The following SAMD4A variants were observed in gnomAD, a reference collection of about 807,000 sequenced individuals.
SAMD4A encodes sterile alpha motif domain containing 4A.
A neutral mutation model predicts 81.3 loss-of-function variants in SAMD4A; 33 were observed. The ratio of observed to expected loss-of-function variants is 0.41; its 90% CI spans 0.31 to 0.54. The LOEUF (loss-of-function observed/expected upper bound fraction) is 0.54. Among genes scored for constraint, SAMD4A ranks in the 20% least tolerant of loss-of-function variants. SAMD4A has a pLI of 0.37. For synonymous variants in SAMD4A, 389 were observed against 382.1 expected (o/e 1.02, Z -0.21); for missense variants, 854 against 951.1 (o/e 0.90, Z 1.34).
chr14:54,708,370 A>G (rs1566596849), intron 3 of SAMD4A, among the ~76,000 whole-genome samples: 2 of 152,230 alleles, frequency 1.3e-5, no homozygotes, highest in Non-Finnish European at 2.9e-5. Flanking sequence ...TCAGTGTCAT[A>G]TACGATGAGT....
chr14:54,701,157 C>T (rs2036707102), intron 2 of SAMD4A: 1 of 152,076 alleles, frequency 6.6e-6, no homozygotes, highest in Non-Finnish European at 1.5e-5. Flanking sequence ...TACCATCACA[C>T]ATGGCTATTT....
At chr14:54,781,370 G>C (rs1265321983) in intron 11 of SAMD4A, among the ~76,000 whole-genome samples, 1 of 152,252 alleles carries the variant, frequency 6.6e-6, no homozygotes, top group Non-Finnish European at 1.5e-5. Flanking sequence ...CACCTCATTA[G>C]GGATGGGTAG....
At chr14:54,760,521 T>C (rs777062166) in intron 7 of SAMD4A, 27 bp downstream of exon 7, 1 of 1,382,452 alleles carries the variant, frequency 7.2e-7, no homozygotes, top group Non-Finnish European at 9.3e-7. Context: ...CCATTTCTTT[T>C]TTCTTCTGGA....
chr14:54,741,847 G>T (rs1180560688), intron 4 of SAMD4A, among the ~76,000 whole-genome samples: 1 of 152,132 alleles, frequency 6.6e-6, no homozygotes, highest in Non-Finnish European at 1.5e-5. Flanking sequence ...AATGACAAGG[G>T]TGCTTGACCA....
chr14:54,682,348 T>C (rs145813635), intron 2 of SAMD4A, among the ~76,000 whole-genome samples: 47 of 152,298 alleles, frequency 3.1e-4, no homozygotes, highest in African/African-American at 1.1e-3. Context: ...GCCATGCCTG[T>C]GTAGGAGGCA....
chr14:54,622,265 T>C (rs2034635273), intron 2 of SAMD4A, among the ~76,000 whole-genome samples: 1 of 152,240 alleles, frequency 6.6e-6, no homozygotes, highest in Non-Finnish European at 1.5e-5. Context: ...TATAAATGTC[T>C]GTCTTCCATT....
chr14:54,733,828 G>T (rs542086579), intron 3 of SAMD4A, among the ~76,000 whole-genome samples: 27 of 140,880 alleles, frequency 1.9e-4, no homozygotes, highest in Admixed American at 3.5e-4. Context: ...CCTACTCATA[G>T]GAAAAAAAAA....
intron 3 of SAMD4A, among the ~76,000 whole-genome samples, chr14:54,714,021 C>G (rs2037056675): frequency 6.6e-6 from 1 of 152,164 alleles, no homozygotes; most frequent in South Asian, 2.1e-4. Flanking sequence ...ATTCATTGTA[C>G]TAGCTGTTTA....
At chr14:54,753,749 C>T (rs150530846) in intron 6 of SAMD4A, among the ~76,000 whole-genome samples, 60 of 152,238 alleles carry the variant, frequency 3.9e-4, no homozygotes, top group Non-Finnish European at 6.8e-4. Flanking sequence ...AGGCTTCTCA[C>T]GTGCACATCC....
intron 2 of SAMD4A, among the ~76,000 whole-genome samples, chr14:54,646,833 C>G (rs928645107): frequency 6.6e-6 from 1 of 152,124 alleles, no homozygotes; most frequent in African/African-American, 2.4e-5. Flanking sequence ...GTATCCTGCC[C>G]GTTTAACCAC....
intron 3 of SAMD4A, among the ~76,000 whole-genome samples, chr14:54,709,810 T>C (rs959551360): frequency 2.6e-5 from 4 of 152,140 alleles, no homozygotes; most frequent in Admixed American, 1.3e-4. Flanking sequence ...CATCTCTAGG[T>C]TTGCTTCCTG....
intron 2 of SAMD4A, among the ~76,000 whole-genome samples, chr14:54,629,772 C>T (rs1285777665): frequency 1.3e-5 from 2 of 152,098 alleles, no homozygotes; most frequent in Non-Finnish European, 2.9e-5. Context: ...TTACCACCAT[C>T]CATCTTTAGA....
chr14:54,566,330 G>T (rs1216358469), upstream of SAMD4A, among the ~76,000 whole-genome samples: 1 of 151,686 alleles, frequency 6.6e-6, no homozygotes, highest in Non-Finnish European at 1.5e-5. Flanking sequence ...CCCTCCCTAC[G>T]GCCCTCGGCG....
intron 11 of SAMD4A, among the ~76,000 whole-genome samples, chr14:54,780,733 C>G (rs912939261): frequency 1.3e-5 from 2 of 152,226 alleles, no homozygotes; most frequent in African/African-American, 2.4e-5. Flanking sequence ...TTGTACCCAT[C>G]ACTTTTTGTG....
chr14:54,604,660 A>G (rs1397098234), intron 2 of SAMD4A, among the ~76,000 whole-genome samples: 1 of 152,236 alleles, frequency 6.6e-6, no homozygotes, highest in African/African-American at 2.4e-5. Context: ...CCTAAATGAA[A>G]AAAGGGCTCC....
chr14:54,599,846 A>G (rs946283650), intron 2 of SAMD4A, among the ~76,000 whole-genome samples: 27 of 152,074 alleles, frequency 1.8e-4, no homozygotes, highest in African/African-American at 6.3e-4. Flanking sequence ...AGGTCAATCA[A>G]TTGGGTAGAC....
chr14:54,781,111 C>T (rs2038989236), intron 11 of SAMD4A, among the ~76,000 whole-genome samples: 1 of 152,206 alleles, frequency 6.6e-6, no homozygotes, highest in South Asian at 2.1e-4. Flanking sequence ...GACTCCACAC[C>T]TTTCTAGTTA....
At chr14:54,743,442 C>T (rs942041295) in intron 4 of SAMD4A, among the ~76,000 whole-genome samples, 3 of 152,214 alleles carry the variant, frequency 2.0e-5, no homozygotes, top group Admixed American at 1.3e-4. Flanking sequence ...CCCCCAAATT[C>T]GAAAAGTCCT....
intron 2 of SAMD4A, 36 bp downstream of exon 2, chr14:54,568,148 G>A: frequency 7.0e-7 from 1 of 1,434,892 alleles, no homozygotes; most frequent in Non-Finnish European, 9.1e-7. Flanking sequence ...CGTCCCGCCT[G>A]CCCAACCCCC....
Sources: allele counts gnomAD v4.1 joint callset (sites outside exome capture counted in the v4.1 genomes callset), GRCh38; gene constraint gnomAD v4.1.1; transcripts MANE v1.5; gene names NCBI Gene and HGNC (gene_info 2026-07-23, HGNC 2026-07-21).